ANKRD46: variants seen among roughly 807,000 people sequenced by gnomAD.
ANKRD46 encodes the protein ankyrin repeat domain-containing protein 46.
In ANKRD46, 13 loss-of-function variants were observed where a neutral mutation model predicts 19.8. The ratio of observed to expected loss-of-function variants is 0.66; its 90% CI spans 0.43 to 1.04. The LOEUF is 1.04. Among genes scored for constraint, ANKRD46 ranks in the 50% least tolerant of loss-of-function variants. ANKRD46 has a pLI of 0.00. For missense variants in ANKRD46, 185 were observed against 274.8 expected (o/e 0.67, Z 2.31); for synonymous variants, 91 against 106.9 (o/e 0.85, Z 0.92).
intron 1 of ANKRD46, 159 bp from the exon 2 acceptor site, chr8:100,533,470 A>G (rs1483553421): frequency 1.3e-5 from 2 of 152,234 alleles, no homozygotes; most frequent in Admixed American, 1.3e-4. Flanking sequence ...CTGACGAGTA[A>G]CAAAGTAGTG....
chr8:100,549,552 T>A (rs978109321), intron 1 of ANKRD46, among the ~76,000 whole-genome samples: 1 of 152,182 alleles, frequency 6.6e-6, no homozygotes, highest in Non-Finnish European at 1.5e-5. Context: ...ATATTTTTTA[T>A]TACTTTATCT....
chr8:100,521,972 T>C lies in ANKRD46; in HGVS notation c.*583A>G, dbSNP rs16898481. ...AAATCAATTATCTTTGAACAAAATATAGCTCATTTTCAAAAGTTTTGTTTG... is the reference window on the plus strand; with the variant it reads ...AAATCAATTATCTTTGAACAAAATACAGCTCATTTTCAAAAGTTTTGTTTG... On this transcript the variant is annotated 3_prime_UTR_variant, in exon 5 of 5. Coordinates refer to ENST00000335659, the MANE Select transcript of ANKRD46 (RefSeq NM_001270377.2). The C allele has an allele frequency of 2.1e-3, 2,082 of 983,262 alleles. 30 individuals are homozygous for C. The African/African-American group carries it at 0.034, about 16-fold the overall frequency. 60.9% of individuals were successfully genotyped at this position (983,262 alleles called of 1,614,324 possible).
chr8:100,514,611 C>CTTTTTT (rs1563922826), intron 5 of ANKRD46, among the ~76,000 whole-genome samples: 4 of 76,034 alleles, frequency 5.3e-5, no homozygotes, highest in African/African-American at 2.4e-4. Flanking sequence ...GTTATTCCTC[C>CTTTTTT]ATCTTCTTTT....
chr8:100,522,176 T>A lies in ANKRD46; in HGVS notation c.*379A>T. On this transcript the variant is annotated 3_prime_UTR_variant, in exon 5 of 5. Coordinates refer to ENST00000335659, the MANE Select transcript of ANKRD46 (RefSeq NM_001270377.2). ...AAACCACCAACAAAAACTAATCATA[T>A]AAGATACTGTTTTTCTTTTTGAATA... The A allele has an allele frequency of 2.0e-6, 2 of 1,001,592 alleles. No individual in the cohort carries two copies. The highest frequency in any genetic ancestry group is 2.4e-6 in the Non-Finnish European group (2 of 839,182). 62.0% of individuals were successfully genotyped at this position (1,001,592 alleles called of 1,614,324 possible).
chr8:100,529,076 T>C lies in ANKRD46; in HGVS notation c.311+447A>G, dbSNP rs1811903949. 6.6e-6 allele frequency among the ~76,000 whole-genome samples: 1 copy of C among 152,256 alleles called. No individual in the cohort carries two copies. The stretch of plus-strand genomic sequence containing the variant: ...GTTCAAATTCCAGCTCTGTCCCTTA[T>C]AAGCTGTGACCTTTTCAAATCCTCT... On this transcript the variant is annotated intron_variant, in intron 3 of 4. Transcript: ENST00000335659. The surrounding 1 kb of genome is among the most constrained non-coding windows in gnomAD (Gnocchi z 5.8).
At chr8:100,556,179 C>G (rs1812495172) in intron 1 of ANKRD46, among the ~76,000 whole-genome samples, 1 of 152,106 alleles carries the variant, frequency 6.6e-6, no homozygotes, top group Admixed American at 6.5e-5. Flanking sequence ...TGCTAGCACG[C>G]CCAACTAATT....
intron 4 of ANKRD46, among the ~76,000 whole-genome samples, chr8:100,526,916 T>TA (rs1330504964): frequency 1.3e-5 from 2 of 152,130 alleles, no homozygotes; most frequent in African/African-American, 4.8e-5. Context: ...GGCCCTTGCT[T>TA]ATTCTATTTA....
Position 100,522,561 on chromosome 8 carries a change from C to T in ANKRD46, c.681G>A (p.Val227=), listed in dbSNP as rs767173630. The T allele has an allele frequency of 6.2e-7, 1 of 1,614,060 alleles. No individual in the cohort carries two copies. Among genetic ancestry groups the T allele is most frequent in the Non-Finnish European group, 8.5e-7 (1 of 1,180,010 alleles). ...TCATCTTCCATGAGCTCCTTTAATGCACCAGTTCAGGCTGGTTTTCCACGA... is the reference window on the plus strand; with the variant it reads ...TCATCTTCCATGAGCTCCTTTAATGTACCAGTTCAGGCTGGTTTTCCACGA... ...LPFVENQPEL[V]H Residue 227 remains valine (V), a synonymous_variant, in exon 5 of 5, where the codon GTG becomes GTA. Transcript: ENST00000335659.
In ANKRD46 at chr8:100,534,077, G is replaced by A. The variant is rs1399003328; in HGVS notation, c.-130-766C>T. 6.6e-6 allele frequency among the ~76,000 whole-genome samples: 1 copy of A among 152,204 alleles called. No homozygotes were observed. The highest frequency in any genetic ancestry group is 1.5e-5 in the Non-Finnish European group (1 of 68,036). On this transcript the variant is annotated intron_variant, in intron 1 of 4. Coordinates refer to ENST00000335659, the MANE Select transcript of ANKRD46 (RefSeq NM_001270377.2). The surrounding 1 kb of genome is among the most constrained non-coding windows in gnomAD (Gnocchi z 4.2). ...TTAGTTCATGAAACAAACATTCACT[G>A]TGTGCCTGCAATGTGCCAGATACCA... is the stretch of plus-strand genomic sequence containing the variant.
rs1412810697 is a variant in ANKRD46 at position 100,521,958 on chromosome 8, C to A, written c.*597G>T. The A allele has an allele frequency of 2.0e-6, 2 of 982,588 alleles. No homozygotes were observed. Among genetic ancestry groups the A allele is most frequent in the Non-Finnish European group, 2.4e-6 (2 of 827,512 alleles). The allele number at this position is 982,588 out of a possible 1,614,324, so 60.9% of individuals were successfully genotyped here. A position where few individuals can be genotyped will look rare whatever the true frequency, so the allele number is the denominator to read the frequency against. Reference sequence around the variant, plus strand: ...ATAAATATAAGATCAAATCAATTATCTTTGAACAAAATATAGCTCATTTTC... The same window carrying A: ...ATAAATATAAGATCAAATCAATTATATTTGAACAAAATATAGCTCATTTTC... On this transcript the variant is annotated 3_prime_UTR_variant, in exon 5 of 5. Transcript: ENST00000335659.
chr8:100,550,369 G>A lies in ANKRD46; in HGVS notation c.-131+9342C>T, dbSNP rs938925303. On this transcript the variant is annotated intron_variant, in intron 1 of 4. Transcript: ENST00000335659. This position sits in a 1 kb window ranked among gnomAD's most constrained non-coding sequence, Gnocchi z 4.4. ...ATTTTAGTTAGCCATTTTAGTAAGT[G>A]TGTAGTGGGATCTCATTGTTTTAAT... Among the ~76,000 whole-genome samples the A allele has an allele frequency of 2.6e-5, 4 of 152,180 alleles. No homozygotes were observed. The highest frequency in any genetic ancestry group is 9.7e-5 in the African/African-American group (4 of 41,444).
At chr8:100,528,078 C>T in intron 3 of ANKRD46, 75 bp from the exon 4 acceptor site, 3 of 1,385,152 alleles carry the variant, frequency 2.2e-6, no homozygotes, top group Non-Finnish European at 2.8e-6. Context: ...ATTGTCAGTT[C>T]CATTTTTAGT....
In ANKRD46 at chr8:100,521,975, C is replaced by T; in HGVS notation, c.*580G>A. 1 of 983,356 alleles carries T rather than the reference C, an allele frequency of 1.0e-6. No homozygotes were observed. Among genetic ancestry groups the T allele is most frequent in the Non-Finnish European group, 1.2e-6 (1 of 828,172 alleles). The allele number at this position is 983,356 out of a possible 1,614,324, so 60.9% of individuals were successfully genotyped here. A position where few individuals can be genotyped will look rare whatever the true frequency, so the allele number is the denominator to read the frequency against. On this transcript the variant is annotated 3_prime_UTR_variant, in exon 5 of 5. Coordinates refer to ENST00000335659, the MANE Select transcript of ANKRD46 (RefSeq NM_001270377.2). ...TCAATTATCTTTGAACAAAATATAG[C>T]TCATTTTCAAAAGTTTTGTTTGGTT...
chr8:100,522,728 C>G lies in ANKRD46; in HGVS notation c.514G>C (p.Gly172Arg). ...HSLLNPNLQQ[G>R]EGVLSSFRTT... ...CGGAAGCTGGAGAGGACTCCTTCACCTTGCTGCAGGTTGGGATTGAGGAGT... is the reference window on the plus strand; with the variant it reads ...CGGAAGCTGGAGAGGACTCCTTCACGTTGCTGCAGGTTGGGATTGAGGAGT... The change falls in exon 5 of 5, where the codon GGT (glycine) becomes CGT (arginine). Residue 172 changes from glycine (G) to arginine (R), a missense_variant. Transcript: ENST00000335659. The G allele has an allele frequency of 6.2e-7, 1 of 1,614,050 alleles. No homozygotes were observed. Among genetic ancestry groups the G allele is most frequent in the Non-Finnish European group, 8.5e-7 (1 of 1,180,026 alleles).
Position 100,550,850 on chromosome 8 carries a change from G to A in ANKRD46, c.-131+8861C>T. The A allele has an allele frequency of 6.2e-6, 3 of 485,928 alleles. No individual in the cohort carries two copies. Among genetic ancestry groups the A allele is most frequent in the Non-Finnish European group, 7.8e-6 (2 of 255,272 alleles). The allele number at this position is 485,928 out of a possible 1,614,324, so 30.1% of individuals were successfully genotyped here. ...CAGCCCCAGCATCGAAAGTGGAAGA[G>A]TGAGTGTCACTGTTAAAGTCAGAGG... is the stretch of plus-strand genomic sequence containing the variant. On this transcript the variant is annotated intron_variant, in intron 1 of 4. Transcript: ENST00000335659. This position sits in a 1 kb window ranked among gnomAD's most constrained non-coding sequence, Gnocchi z 4.4.
chr8:100,516,123 C>T (rs536643554), downstream of ANKRD46, among the ~76,000 whole-genome samples: 3 of 152,280 alleles, frequency 2.0e-5, no homozygotes, highest in Admixed American at 1.3e-4. Context: ...CCACCCGCCT[C>T]GGCCTCCCAA....
chr8:100,527,966 G>A lies in ANKRD46; in HGVS notation c.349C>T (p.Arg117Cys), dbSNP rs376278571. 12 of 1,603,438 alleles carry A rather than the reference G, an allele frequency of 7.5e-6. No homozygotes were observed. The highest frequency in any genetic ancestry group is 2.8e-5 in the African/African-American group (2 of 71,716). The change falls in exon 4 of 5, where the codon CGC (arginine) becomes TGC (cysteine). Residue 117 changes from arginine to cysteine, a missense_variant. By Grantham distance (180) the Arg-to-Cys change is radical. Coordinates refer to ENST00000335659, the MANE Select transcript of ANKRD46 (RefSeq NM_001270377.2). This position sits in a 1 kb window ranked among gnomAD's most constrained non-coding sequence, Gnocchi z 4.0. ...QGATPLVLAK[R>C]RGVNKDVIRL... ...ATGACATCTTTATTTACTCCTCTGC[G>A]CTTTGCCAGAACTAAAGGGGTAGCA...
chr8:100,549,245 C>T (rs1029275957), intron 1 of ANKRD46, among the ~76,000 whole-genome samples: 22 of 151,944 alleles, frequency 1.4e-4, no homozygotes, highest in African/African-American at 5.1e-4. Context: ...GCTAGGACTA[C>T]AGGCGTGAGC....
rs1327751763 is a variant in ANKRD46 at position 100,527,120 on chromosome 8, C to T, written c.470+725G>A. ...AAGATGGTGCGCCACCTTTTTGGAG[C>T]TCTCTGAACTGCATTCTCCATTGCT... On this transcript the variant is annotated intron_variant, in intron 4 of 4. Coordinates refer to ENST00000335659, the MANE Select transcript of ANKRD46 (RefSeq NM_001270377.2). This position sits in a 1 kb window ranked among gnomAD's most constrained non-coding sequence, Gnocchi z 4.0. Among the ~76,000 whole-genome samples, 1 of 152,158 alleles carries T rather than the reference C, an allele frequency of 6.6e-6. No individual in the cohort carries two copies. The highest frequency in any genetic ancestry group is 1.5e-5 in the Non-Finnish European group (1 of 68,018).
Sources: allele counts gnomAD v4.1 joint callset (sites outside exome capture counted in the v4.1 genomes callset), GRCh38; gene constraint gnomAD v4.1.1; non-coding constraint Gnocchi (gnomAD v3.1); transcripts MANE v1.5; gene names NCBI Gene and HGNC (gene_info 2026-07-23, HGNC 2026-07-21).